LSAMP: variants seen among roughly 807,000 people sequenced by gnomAD.
LSAMP encodes the protein limbic system associated membrane protein, also known as limbic system-associated membrane protein.
In LSAMP, 7 loss-of-function variants were observed where a neutral mutation model predicts 38.6. The ratio of observed to expected loss-of-function variants is 0.18; its 90% CI spans 0.10 to 0.34. The LOEUF is 0.34. LSAMP is among the 10% of genes least tolerant of loss of function. LSAMP has a pLI of 1.00. For missense variants in LSAMP, 313 were observed against 420.0 expected (o/e 0.75, Z 2.23); for synonymous variants, 154 against 166.8 (o/e 0.92, Z 0.59).
chr3:116,343,571 A>T (rs1455592741), intron 1 of LSAMP, among the ~76,000 whole-genome samples: 1 of 152,144 alleles, frequency 6.6e-6, no homozygotes, highest in Non-Finnish European at 1.5e-5. Context: ...GCATCATGCC[A>T]TGTATAAGAT....
intron 1 of LSAMP, among the ~76,000 whole-genome samples, chr3:116,339,822 A>G (rs977374506): frequency 2.0e-5 from 3 of 152,048 alleles, no homozygotes; most frequent in Admixed American, 2.0e-4. Flanking sequence ...TAACTGCCAC[A>G]TATCTAAGTG....
chr3:116,077,261 T>C (rs974903985), intron 2 of LSAMP, among the ~76,000 whole-genome samples: 11 of 151,968 alleles, frequency 7.2e-5, no homozygotes, highest in African/African-American at 2.7e-4. Flanking sequence ...GTAATAATAA[T>C]GATTGTTGGT....
intron 1 of LSAMP, among the ~76,000 whole-genome samples, chr3:116,374,218 A>G (rs946176604): frequency 6.6e-6 from 1 of 151,954 alleles, no homozygotes; most frequent in Non-Finnish European, 1.5e-5. Flanking sequence ...AAATTTCTTT[A>G]TTCTGCTGAG....
rs148293525 is a variant in LSAMP, at chr3:115,940,316, T to TTCTGATGGGTCCATTTTACAGAGC, written c.514+79198_514+79199insGCTCTGTAAAATGGACCCATCAGA. Among the ~76,000 whole-genome samples, 12 of 4,956 alleles carry TTCTGATGGGTCCATTTTACAGAGC rather than the reference T, an allele frequency of 2.4e-3. No individual in the cohort carries two copies. The East Asian group carries it at 0.16, about 67-fold the overall frequency. 3.3% of individuals were successfully genotyped at this position (4,956 alleles called of 152,430 possible). A position where few individuals can be genotyped will look rare whatever the true frequency, so the allele number is the denominator to read the frequency against. ...CCCTTATTTGGCCCCGCCCACGTCCTACTGATGGGTCCATTTTACAGAGTG... is the reference window on the plus strand; with the variant it reads ...CCCTTATTTGGCCCCGCCCACGTCCTTCTGATGGGTCCATTTTACAGAGCACTGATGGGTCCATTTTACAGAGTG... On this transcript the variant is annotated intron_variant, in intron 3 of 6. Coordinates refer to ENST00000490035, the MANE Select transcript of LSAMP (RefSeq NM_002338.5).
At chr3:115,848,987 C>G (rs963508944) in intron 4 of LSAMP, among the ~76,000 whole-genome samples, 6 of 152,158 alleles carry the variant, frequency 3.9e-5, no homozygotes, top group African/African-American at 1.4e-4. Context: ...TAGGATGAGT[C>G]AAGCTCAAAA....
rs142160069 is a variant in LSAMP at position 115,872,699 on chromosome 3, G to A, written c.515-20082C>T. ...AAAACTATGTGCTAAGAATTCTCAC[G>A]TGAATTATATTATTTAACCATTTTG... On this transcript the variant is annotated intron_variant, in intron 3 of 6. Transcript: ENST00000490035. Among the ~76,000 whole-genome samples the A allele has an allele frequency of 2.7e-3, 407 of 152,224 alleles. 1 individual carries two copies. Among genetic ancestry groups the A allele is most frequent in the Non-Finnish European group, 3.8e-3 (258 of 67,998 alleles).
intron 3 of LSAMP, among the ~76,000 whole-genome samples, chr3:115,957,855 T>C (rs973258672): frequency 6.6e-6 from 1 of 152,138 alleles, no homozygotes; most frequent in African/African-American, 2.4e-5. Context: ...GTTATCACCT[T>C]GTTGTAGAGG....
chr3:115,888,789 A>T (rs1461169655), intron 3 of LSAMP, among the ~76,000 whole-genome samples: 2 of 151,888 alleles, frequency 1.3e-5, no homozygotes, highest in South Asian at 2.1e-4. Context: ...GACTGTTTGG[A>T]AGTATAATAA....
At chr3:115,926,680 T>A (rs1241306999) in intron 3 of LSAMP, among the ~76,000 whole-genome samples, 1 of 152,136 alleles carries the variant, frequency 6.6e-6, no homozygotes, top group Non-Finnish European at 1.5e-5. Context: ...AGAACCACAG[T>A]CCTACTGTGA....
chr3:116,021,223 G>C (rs1480721212), intron 2 of LSAMP, among the ~76,000 whole-genome samples: 3 of 151,956 alleles, frequency 2.0e-5, no homozygotes, highest in Non-Finnish European at 4.4e-5. Context: ...TTAGCTATTG[G>C]GGTTAAGGGT....
chr3:115,891,946 GTTA>G (rs751769525), intron 3 of LSAMP, among the ~76,000 whole-genome samples: 9 of 151,994 alleles, frequency 5.9e-5, no homozygotes, highest in East Asian at 3.9e-4. Context: ...GAATAGGTAA[GTTA>G]TTATTAGTAC....
chr3:116,240,009 T>A (rs1472675464), intron 1 of LSAMP, among the ~76,000 whole-genome samples: 2 of 152,220 alleles, frequency 1.3e-5, no homozygotes, highest in Non-Finnish European at 2.9e-5. Context: ...ATAGTATATG[T>A]GTGTTCAGTT....
chr3:115,851,837 C>T (rs58915061), intron 4 of LSAMP, among the ~76,000 whole-genome samples: 1 of 152,138 alleles, frequency 6.6e-6, no homozygotes, highest in Non-Finnish European at 1.5e-5. Context: ...ATCCTCCCCC[C>T]GCCCACCCTC....
intron 1 of LSAMP, among the ~76,000 whole-genome samples, chr3:116,424,443 G>A (rs1354155126): frequency 1.3e-5 from 2 of 152,076 alleles, no homozygotes; most frequent in Non-Finnish European, 2.9e-5. Context: ...CCTTCTCCAA[G>A]GGGCAATTAT....
chr3:115,945,803 C>T (rs1938078361), intron 3 of LSAMP, among the ~76,000 whole-genome samples: 1 of 152,144 alleles, frequency 6.6e-6, no homozygotes, highest in South Asian at 2.1e-4. Flanking sequence ...CTCAACTAGA[C>T]ACCTCTCAAT....
intron 1 of LSAMP, among the ~76,000 whole-genome samples, chr3:116,337,393 T>C (rs1224415769): frequency 2.0e-5 from 3 of 151,998 alleles, no homozygotes; most frequent in Non-Finnish European, 4.4e-5. Flanking sequence ...GAACCCTACA[T>C]TGATTAGAAT....
intron 2 of LSAMP, among the ~76,000 whole-genome samples, chr3:116,032,412 T>C (rs1940946928): frequency 6.6e-6 from 1 of 152,146 alleles, no homozygotes; most frequent in African/African-American, 2.4e-5. Flanking sequence ...TTCAGTCTCT[T>C]GACTGAAATC....
chr3:115,865,210 G>A (rs2107372314), intron 3 of LSAMP, among the ~76,000 whole-genome samples: 1 of 152,274 alleles, frequency 6.6e-6, no homozygotes, highest in South Asian at 2.1e-4. Context: ...TTAGAAAGCA[G>A]ACCATTTTGA....
chr3:116,157,888 C>T (rs1709791041), intron 1 of LSAMP, among the ~76,000 whole-genome samples: 1 of 151,978 alleles, frequency 6.6e-6, no homozygotes, highest in Admixed American at 6.6e-5. Context: ...CAAAACCTGG[C>T]AGAGACACAA....
Sources: gnomAD v4.1 joint callset for allele counts (sites outside exome capture counted in the v4.1 genomes callset) on GRCh38, gnomAD v4.1.1 for gene constraint, MANE v1.5 for transcripts, NCBI Gene and HGNC (gene_info 2026-07-23, HGNC 2026-07-21) for gene names.